Variants in WDR20 observed in about 807,000 individuals in gnomAD.
WDR20 encodes WD repeat-containing protein 20.
WDR20 carries 3 observed loss-of-function variants against 38.7 expected under a neutral mutation model. That is an observed-to-expected ratio of 0.08 (90% CI 0.04 to 0.20). The LOEUF is 0.20. Among genes scored for constraint, WDR20 ranks in the 10% least tolerant of loss-of-function variants. WDR20 has a pLI of 1.00. For synonymous variants in WDR20, 298 were observed against 285.6 expected (o/e 1.04, Z -0.44); for missense variants, 559 against 727.7 (o/e 0.77, Z 2.67).
downstream of WDR20, chr14:102,214,041 G>A: frequency 1.0e-6 from 1 of 985,556 alleles, no homozygotes; most frequent in Non-Finnish European, 1.2e-6. Context: ...CGGTGCCGGT[G>A]GATGGGGGAG....
chr14:102,208,555 C>G lies in WDR20; in HGVS notation c.433-48C>G. The stretch of plus-strand genomic sequence containing the variant: ...AAGTTTTCTTGCTGGAAAAGTAGAC[C>G]TTTGAGACTTCTCCGTTGTGCTAAC... On this transcript the variant is annotated intron_variant, in intron 2 of 2. Coordinates refer to ENST00000342702, the MANE Select transcript of WDR20 (RefSeq NM_144574.4). This position sits in a 1 kb window ranked among gnomAD's most constrained non-coding sequence, Gnocchi z 5.6. 2 of 1,538,410 alleles carry G rather than the reference C, an allele frequency of 1.3e-6. No individual in the cohort carries two copies. The highest frequency in any genetic ancestry group is 1.8e-6 in the Non-Finnish European group (2 of 1,141,642).
At chr14:102,173,385 A>AT (rs1185496622) in intron 1 of WDR20, among the ~76,000 whole-genome samples, 2 of 151,276 alleles carry the variant, frequency 1.3e-5, no homozygotes, top group Admixed American at 6.6e-5. Context: ...AAGTGCTGGG[A>AT]TTACAGGTGT....
At chr14:102,212,618 G>C (rs1351981476), downstream of WDR20, 1 of 1,535,436 alleles carries the variant, frequency 6.5e-7, no homozygotes, top group South Asian at 1.2e-5. Flanking sequence ...GCACTGGAGA[G>C]AGGGGCAGGG....
intron 1 of WDR20, among the ~76,000 whole-genome samples, chr14:102,177,569 T>C (rs561455408): frequency 1.3e-5 from 2 of 152,312 alleles, no homozygotes; most frequent in East Asian, 3.9e-4. Flanking sequence ...GGCTTTCTTT[T>C]TATTGCAAGT....
intron 1 of WDR20, among the ~76,000 whole-genome samples, chr14:102,149,191 A>C (rs1235588650): frequency 1.3e-5 from 2 of 152,060 alleles, no homozygotes; most frequent in Non-Finnish European, 2.9e-5. Flanking sequence ...AAATACATAC[A>C]TAAATACATT....
chr14:102,212,674 G>C, downstream of WDR20: 1 of 1,511,180 alleles, frequency 6.6e-7, no homozygotes, highest in Non-Finnish European at 8.8e-7. Flanking sequence ...GGCTCCCGCA[G>C]ACCTGGGGAG....
chr14:102,194,263 G>A (rs147999747), intron 1 of WDR20, among the ~76,000 whole-genome samples: 9 of 152,344 alleles, frequency 5.9e-5, no homozygotes, highest in African/African-American at 2.2e-4. Flanking sequence ...GATAAGTAAT[G>A]TTCCCCGAAA....
chr14:102,185,921 T>C (rs946443406), intron 1 of WDR20, among the ~76,000 whole-genome samples: 9 of 152,198 alleles, frequency 5.9e-5, no homozygotes, highest in Non-Finnish European at 1.3e-4. Context: ...CAGAATTGTT[T>C]CCTTTCTGTG....
chr14:102,141,640 A>T (rs1298715869), intron 1 of WDR20, among the ~76,000 whole-genome samples: 1 of 152,122 alleles, frequency 6.6e-6, no homozygotes, highest in Non-Finnish European at 1.5e-5. Context: ...TTAAAAAGGG[A>T]ATGTTACAGT....
chr14:102,188,725 T>A (rs555405782), intron 1 of WDR20, among the ~76,000 whole-genome samples: 4 of 149,782 alleles, frequency 2.7e-5, no homozygotes, highest in Admixed American at 6.7e-5. Flanking sequence ...AAAAAAAAAA[T>A]TAGTTGGGCA....
At chr14:102,152,858 G>C (rs184612564) in intron 1 of WDR20, among the ~76,000 whole-genome samples, 2 of 152,282 alleles carry the variant, frequency 1.3e-5, no homozygotes, top group East Asian at 3.9e-4. Context: ...CCTGGGGTTT[G>C]AATCCAGTTC....
At chr14:102,224,489 A>T (rs1047814433), downstream of WDR20, 1 of 424,068 alleles carries the variant, frequency 2.4e-6, no homozygotes, top group Non-Finnish European at 4.7e-6. Flanking sequence ...AAAAAATCAT[A>T]TACAACTGGA....
At chr14:102,157,839 A>T (rs909453563) in intron 1 of WDR20, among the ~76,000 whole-genome samples, 7 of 152,152 alleles carry the variant, frequency 4.6e-5, no homozygotes, top group Admixed American at 2.6e-4. Flanking sequence ...AGTGGTGGTC[A>T]TTTAAATGTT....
rs554253452 is a variant in WDR20, at chr14:102,151,743, CT to C, written c.249+11582del. ...TGGGTACTCTTTTCTTTTCCTTTTT[CT>C]TTTTTTTTTTAATGAAACAAGATTT... On this transcript the variant is annotated intron_variant, in intron 1 of 2. Coordinates refer to ENST00000342702, the MANE Select transcript of WDR20 (RefSeq NM_144574.4). Among the ~76,000 whole-genome samples the C allele has an allele frequency of 8.7e-3, 1,211 of 138,798 alleles. 16 individuals are homozygous for C. Among genetic ancestry groups the C allele is most frequent in the African/African-American group, 0.027 (1,044 of 38,108 alleles). 91.1% of individuals were successfully genotyped at this position (138,798 alleles called of 152,430 possible).
At chr14:102,180,051 G>T (rs2063047897) in intron 1 of WDR20, among the ~76,000 whole-genome samples, 1 of 152,162 alleles carries the variant, frequency 6.6e-6, no homozygotes. Context: ...TAGTTGGGAG[G>T]CTGAGGCAGG....
downstream of WDR20, chr14:102,214,983 A>G (rs1264782787): frequency 1.0e-6 from 1 of 984,924 alleles, no homozygotes; most frequent in Non-Finnish European, 1.2e-6. Context: ...ACATTAAATA[A>G]ACGTGTGTGA....
At chr14:102,215,206 CAG>C (rs1025588346), downstream of WDR20, among the ~76,000 whole-genome samples, 56 of 152,362 alleles carry the variant, frequency 3.7e-4, no homozygotes, top group African/African-American at 1.3e-3. Context: ...TTCTGCGTCT[CAG>C]ATACTGTTTT....
downstream of WDR20, among the ~76,000 whole-genome samples, chr14:102,215,756 C>T (rs764237447): frequency 2.0e-5 from 3 of 152,276 alleles, no homozygotes; most frequent in Middle Eastern, 3.4e-3. Flanking sequence ...ACACCAGGCC[C>T]GTCGTCGGTG....
rs58628061 is a variant in WDR20 at position 102,163,627 on chromosome 14, CAA to C, written c.249+23477_249+23478del. ...TGGGTGACAGAGCAAGACTCTGTCT[CAA>C]AAAAAAAAAAAAAAAAAAAAATTAG... On this transcript the variant is annotated intron_variant, in intron 1 of 2. Coordinates refer to ENST00000342702, the MANE Select transcript of WDR20 (RefSeq NM_144574.4). 1.2e-3 allele frequency among the ~76,000 whole-genome samples: 74 copies of C among 62,810 alleles called. 1 individual carries two copies. Among genetic ancestry groups the C allele is most frequent in the African/African-American group, 2.1e-3 (26 of 12,682 alleles). The allele number at this position is 62,810 out of a possible 152,430, so 41.2% of individuals were successfully genotyped here. A position where few individuals can be genotyped will look rare whatever the true frequency, so the allele number is the denominator to read the frequency against.
Sources: gnomAD v4.1 joint callset for allele counts (sites outside exome capture counted in the v4.1 genomes callset) on GRCh38, gnomAD v4.1.1 for gene constraint, Gnocchi (gnomAD v3.1) non-coding constraint, MANE v1.5 for transcripts, NCBI Gene and HGNC (gene_info 2026-07-23, HGNC 2026-07-21) for gene names.